The following ABCA2 variants were observed in gnomAD, a reference collection of about 807,000 sequenced individuals.
The protein encoded by ABCA2 is ATP binding cassette subfamily A member 2.
A neutral mutation model predicts 262.8 loss-of-function variants in ABCA2; 84 were observed. That is an observed-to-expected ratio of 0.32 (90% CI 0.27 to 0.38). ABCA2 has a LOEUF of 0.38. Ranked by LOEUF, ABCA2 falls within the 10% of genes least tolerant of loss-of-function variation. ABCA2 has a pLI of 1.00. For synonymous variants in ABCA2, 1,696 were observed against 1,502.9 expected (o/e 1.13, Z -2.97); for missense variants, 2,662 against 3,405.9 (o/e 0.78, Z 5.44).
chr9:137,028,877 G>A, upstream of ABCA2: 1 of 1,328,106 alleles, frequency 7.5e-7, no homozygotes, highest in Non-Finnish European at 9.9e-7. The surrounding 1 kb of genome is among the most constrained non-coding windows in gnomAD (Gnocchi z 6.9). Context: ...CCCCATATTC[G>A]GGCGAGTCTG....
chr9:137,018,687 G>T, intron 13 of ABCA2, 32 bp downstream of exon 13: 1 of 1,564,348 alleles, frequency 6.4e-7, no homozygotes, highest in Non-Finnish European at 8.7e-7. Context: ...AGGTCTGTGG[G>T]GGGCTGGGGC....
At chr9:137,026,266 T>A (rs1045531825) in intron 1 of ABCA2, among the ~76,000 whole-genome samples, 1 of 152,114 alleles carries the variant, frequency 6.6e-6, no homozygotes, top group Admixed American at 6.5e-5. Context: ...GCACCCACCC[T>A]CCAGACCCTG....
At position 137,008,977 on chromosome 9, in the gene ABCA2, G is replaced by C; in HGVS notation, c.6904C>G (p.Arg2302Gly). 9 of 1,602,980 alleles carry C rather than the reference G, an allele frequency of 5.6e-6. No homozygotes were observed. Among genetic ancestry groups the C allele is most frequent in the Non-Finnish European group, 7.6e-6 (9 of 1,179,212 alleles). ...SVKDVVRFFN[R>G]NFPEAMLKER... ...TTGAGCATGGCTTCCGGGAAGTTGCGGTTGAAGAACCGCACCACGTCCTTC... is the reference window on the plus strand; with the variant it reads ...TTGAGCATGGCTTCCGGGAAGTTGCCGTTGAAGAACCGCACCACGTCCTTC... Residue 2302 changes from arginine (R) to glycine (G), a missense_variant, in exon 46 of 49, where the codon CGC (arginine) becomes GGC (glycine). Arg to Gly is a moderately radical substitution (Grantham distance 125, BLOSUM62 -2). This residue lies in a region of ABCA2 where 212 missense variants were observed against 214.4 expected (regional missense o/e 0.99). Coordinates refer to ENST00000341511, the MANE Select transcript of ABCA2 (RefSeq NM_001606.5).
rs747990868 is a variant in ABCA2 at position 137,013,866 on chromosome 9, C to T, written c.4413G>A (p.Val1471=). Residue 1471 remains valine, a synonymous_variant, in exon 28 of 49, where the codon GTG becomes GTA. Coordinates refer to ENST00000341511, the MANE Select transcript of ABCA2 (RefSeq NM_001606.5). ...QILLPAFFVC[V]AMTVALSVPE... ...GGACGGACAGGGCCACGGTCATGGC[C>T]ACGCAGACGAAGAAGGCTGGCAGCA... The T allele has an allele frequency of 2.5e-6, 4 of 1,611,434 alleles. No homozygotes were observed. Among genetic ancestry groups the T allele is most frequent in the Non-Finnish European group, 3.4e-6 (4 of 1,179,322 alleles).
rs903646833 is a variant in ABCA2 at position 137,008,068 on chromosome 9, T to C, written c.7276-104A>G. ...CCCCGGCCCTCCTGCAGGCTGGGCC[T>C]GGACGCAGGGTCTCCCCACGAGCTC... On this transcript the variant is annotated intron_variant, in intron 48 of 48. Transcript: ENST00000341511. 1.0e-4 allele frequency: 146 copies of C among 1,409,708 alleles called. No individual in the cohort carries two copies. In the African/African-American group the frequency reaches 1.9e-3, roughly 18 times the overall value. 87.3% of individuals were successfully genotyped at this position (1,409,708 alleles called of 1,614,324 possible).
In ABCA2 at chr9:137,015,819, A is replaced by G; in HGVS notation, c.3370T>C (p.Leu1124=). ...SNKRHSLVQT[L]SGGMKRKLSV... ...AGCTTGCGCTTCATGCCACCCGACA[A>G]TGTCTGCACCAGTGAGTGCCGTTTG... The change falls in exon 23 of 49, where the codon TTG becomes CTG. Residue 1124 remains leucine, a synonymous_variant. Coordinates refer to ENST00000341511, the MANE Select transcript of ABCA2 (RefSeq NM_001606.5). The G allele has an allele frequency of 1.9e-6, 3 of 1,612,172 alleles. No individual in the cohort carries two copies. The highest frequency in any genetic ancestry group is 2.5e-6 in the Non-Finnish European group (3 of 1,179,672).
rs4880188 is a variant in ABCA2 at position 137,013,390 on chromosome 9, T to C, written c.4550+71A>G. 1,062,006 of 1,505,376 alleles carry C rather than the reference T, an allele frequency of 0.71. 373,133 individuals carry two copies. Among genetic ancestry groups the C allele is most frequent in the East Asian group, 0.81 (33,861 of 41,728 alleles). 93.3% of individuals were successfully genotyped at this position (1,505,376 alleles called of 1,614,324 possible). A position where few individuals can be genotyped will look rare whatever the true frequency, so the allele number is the denominator to read the frequency against. ...CGCCAGCCCCGCCCCCTCGCCCGCC[T>C]GGCCCACCAAGGCTGTCCCCGCCCC... On this transcript the variant is annotated intron_variant, in intron 29 of 48. Transcript: ENST00000341511.
chr9:137,010,591 A>T, intron 40 of ABCA2, 29 bp downstream of exon 40: 1 of 295,878 alleles, frequency 3.4e-6, no homozygotes, highest in Non-Finnish European at 5.7e-6. Context: ...TACCCCACCC[A>T]GGCCCCACCC....
In ABCA2 at chr9:137,013,290, G is replaced by T; in HGVS notation, c.4579C>A (p.Gln1527Lys). ...AGCCGGAACGTGCTCACGAGCTGCT[G>T]GGGGCTGGCGTCGGGCGATAGCCGC... ...RLRLSPDASPQQLVSTFRLPS... is the reference protein window; with the variant it reads ...RLRLSPDASPKQLVSTFRLPS... Residue 1527 changes from glutamine (Q) to lysine (K), a missense_variant, in exon 30 of 49, where the codon CAG (glutamine) becomes AAG (lysine). By Grantham distance (53) the Gln-to-Lys change is moderately conservative (BLOSUM62 1). Around this residue, in one of 12 missense-constraint regions of ABCA2, gnomAD observed 192 missense variants for 207.2 expected, o/e 0.93. Transcript: ENST00000341511. 3 of 1,572,400 alleles carry T rather than the reference G, an allele frequency of 1.9e-6. No individual in the cohort carries two copies. The highest frequency in any genetic ancestry group is 2.6e-6 in the Non-Finnish European group (3 of 1,165,138).
rs755706083 is a variant in ABCA2 at position 137,020,941 on chromosome 9, G to A, written c.1018C>T (p.Leu340=). ...AQKVLQDVDV[L]SALALLLPQG... is the part of the protein sequence containing the mutation. ...GGCAGTAGCAGGGCCAGGGCCGACA[G>A]GACATCCACATCCTGCAGAACCTTC... The change falls in exon 9 of 49, where the codon CTG becomes TTG. Residue 340 remains leucine (L), a synonymous_variant. Coordinates refer to ENST00000341511, the MANE Select transcript of ABCA2 (RefSeq NM_001606.5). The A allele has an allele frequency of 1.3e-5, 20 of 1,565,774 alleles. No individual in the cohort carries two copies. The highest frequency in any genetic ancestry group is 1.7e-5 in the Non-Finnish European group (20 of 1,155,596).
rs1830876784 is a variant in ABCA2, at chr9:137,007,533, C to T, written c.*396G>A. On this transcript the variant is annotated 3_prime_UTR_variant, in exon 49 of 49. Coordinates refer to ENST00000341511, the MANE Select transcript of ABCA2 (RefSeq NM_001606.5). The stretch of plus-strand genomic sequence containing the variant: ...CTGACCCAGCTCCGCCCACAGCCCG[C>T]TCTCGGCATCAGCCTTCATCGTAAG... 1 of 279,198 alleles carries T rather than the reference C, an allele frequency of 3.6e-6. No individual in the cohort carries two copies. The highest frequency in any genetic ancestry group is 4.8e-5 in the Admixed American group (1 of 20,680). 17.3% of individuals were successfully genotyped at this position (279,198 alleles called of 1,614,324 possible).
rs766634571 is a variant in ABCA2, at chr9:137,019,191, C to T, written c.1541G>A (p.Arg514His). The change falls in exon 11 of 49, where the codon CGC becomes CAC. Residue 514 changes from arginine (R) to histidine (H), a missense_variant. Arg to His is a conservative substitution (Grantham distance 29, BLOSUM62 0). Transcript: ENST00000341511. The surrounding 1 kb of genome is among the most constrained non-coding windows in gnomAD (Gnocchi z 4.4). ...CACCCTTGGCACCTGCTGCAGCCAG[C>T]GCAGGTGTTGCTGCAGCCTGCCCTG... is the stretch of plus-strand genomic sequence containing the variant. ...LEQGRLQQHL[R>H]WLQQYVAELR... 1.6e-5 allele frequency: 25 copies of T among 1,612,270 alleles called. No individual in the cohort carries two copies. The highest frequency in any genetic ancestry group is 2.2e-5 in the East Asian group (1 of 44,886).
chr9:137,022,026 A>C, intron 6 of ABCA2, 25 bp from the exon 7 acceptor site: 102 of 1,372,112 alleles, frequency 7.4e-5, no homozygotes, highest in Non-Finnish European at 9.5e-5. Context: ...GGAATGGCTC[A>C]GATGGGGTGT....
chr9:137,024,059 C>A, intron 2 of ABCA2, 84 bp downstream of exon 2: 1 of 1,520,976 alleles, frequency 6.6e-7, no homozygotes, highest in Middle Eastern at 1.8e-4. Context: ...AGCAGGACAC[C>A]CGTGTGCAGA....
rs750875034 is a variant in ABCA2 at position 137,018,887 on chromosome 9, AG to A, written c.1722+15del. 3 of 1,611,978 alleles carry A rather than the reference AG, an allele frequency of 1.9e-6. No homozygotes were observed. Among genetic ancestry groups the A allele is most frequent in the African/African-American group, 2.7e-5 (2 of 74,988 alleles). ...CAGGGGGTGTCGTGGGTTGGCTCGG[AG>A]GCCCCACCGCTCACCTTGGACATGA... is the stretch of plus-strand genomic sequence containing the variant. On this transcript the variant is annotated intron_variant, in intron 12 of 48. Transcript: ENST00000341511.
chr9:137,026,067 C>T (rs1424244025), intron 1 of ABCA2, among the ~76,000 whole-genome samples: 1 of 152,148 alleles, frequency 6.6e-6, no homozygotes, highest in Non-Finnish European at 1.5e-5. Context: ...CAGGTGAGAC[C>T]CGAGGGTGGC....
chr9:137,018,405 G>T, intron 13 of ABCA2, 54 bp from the exon 14 acceptor site: 1 of 1,343,254 alleles, frequency 7.4e-7, no homozygotes, highest in Non-Finnish European at 1.0e-6. Context: ...ACCAAGGCGT[G>T]GTGGGGGGGA....
chr9:137,025,147 C>T (rs1831610858), intron 1 of ABCA2, among the ~76,000 whole-genome samples: 1 of 152,184 alleles, frequency 6.6e-6, no homozygotes, highest in African/African-American at 2.4e-5. Flanking sequence ...GCTCAGTTTC[C>T]CCAGGTCGGC....
chr9:137,020,451 A>T lies in ABCA2; in HGVS notation c.1310T>A (p.Leu437Gln). ...CCGCTGCTCCTTGCTCGTGAAGCCC[A>T]GGGAGCTCATGTTGCCCCGCCGCAG... is the stretch of plus-strand genomic sequence containing the variant. ...EALRRGNMSS[L>Q]GFTSKEQRNL... Residue 437 changes from leucine to glutamine, a missense_variant, in exon 10 of 49, where the codon CTG becomes CAG. By Grantham distance (113) the Leu-to-Gln change is moderately radical. Transcript: ENST00000341511. 2 of 1,610,288 alleles carry T rather than the reference A, an allele frequency of 1.2e-6. No individual in the cohort carries two copies. The highest frequency in any genetic ancestry group is 1.7e-6 in the Non-Finnish European group (2 of 1,178,640).
Sources: allele counts gnomAD v4.1 joint callset (sites outside exome capture counted in the v4.1 genomes callset), GRCh38; gene constraint gnomAD v4.1.1; regional missense constraint gnomAD v4.1.1; non-coding constraint Gnocchi (gnomAD v3.1); transcripts MANE v1.5; gene names NCBI Gene and HGNC (gene_info 2026-07-23, HGNC 2026-07-21).